ATP6V1H: variants seen among roughly 807,000 people sequenced by gnomAD.
ATP6V1H encodes V-type proton ATPase subunit H.
ATP6V1H carries 39 observed loss-of-function variants against 71.7 expected under a neutral mutation model. The ratio of observed to expected loss-of-function variants is 0.54; its 90% CI spans 0.42 to 0.71. The LOEUF (loss-of-function observed/expected upper bound fraction) is 0.71, where lower values mean the gene tolerates loss of function less well. Among genes scored for constraint, ATP6V1H ranks in the 30% least tolerant of loss-of-function variants. The pLI is 0.00. For synonymous variants in ATP6V1H, 192 were observed against 199.3 expected, an observed-to-expected ratio of 0.96 and a Z score of 0.31; for missense variants, 509 against 594.9, an observed-to-expected ratio of 0.86 and a Z score of 1.50.
intron 6 of ATP6V1H, among the ~76,000 whole-genome samples, chr8:53,812,274 C>A (rs1295952341): frequency 6.6e-6 from 1 of 152,090 alleles, no homozygotes; most frequent in Admixed American, 6.6e-5. Flanking sequence ...AAAGCAGAGG[C>A]ACTGCACAAT....
chr8:53,778,715 C>T (rs776911618), intron 9 of ATP6V1H, among the ~76,000 whole-genome samples: 12 of 152,058 alleles, frequency 7.9e-5, no homozygotes, highest in African/African-American at 2.9e-4. Context: ...AGGCCTAAAT[C>T]CAATCATATC....
At chr8:53,785,666 G>GT (rs1809354327) in intron 9 of ATP6V1H, among the ~76,000 whole-genome samples, 1 of 152,112 alleles carries the variant, frequency 6.6e-6, no homozygotes, top group East Asian at 1.9e-4. Flanking sequence ...CATCTTTGTG[G>GT]TTTTATCCAC....
chr8:53,736,366 T>C (rs752781306), intron 13 of ATP6V1H, among the ~76,000 whole-genome samples: 36 of 152,176 alleles, frequency 2.4e-4, no homozygotes, highest in Non-Finnish European at 4.3e-4. Flanking sequence ...AAGACTAACA[T>C]AGGAGACCAA....
intron 2 of ATP6V1H, among the ~76,000 whole-genome samples, chr8:53,836,446 T>C (rs897223995): frequency 1.3e-5 from 2 of 152,166 alleles, no homozygotes; most frequent in Non-Finnish European, 2.9e-5. Context: ...TCTCTCTGGG[T>C]CTTCCTTTGA....
rs1195141727 is a variant in ATP6V1H, at chr8:53,817,540, A to G, written c.307-10T>C. 1 of 1,569,752 alleles carries G rather than the reference A, an allele frequency of 6.4e-7. No homozygotes were observed. Among genetic ancestry groups the G allele is most frequent in the African/African-American group, 1.4e-5 (1 of 73,738 alleles). Reference sequence around the variant, plus strand: ...CACGCTGATGATTTTCCTAAAAAAGAAAAGAAATGATATCACCAGTCAGAA... The same window carrying G: ...CACGCTGATGATTTTCCTAAAAAAGGAAAGAAATGATATCACCAGTCAGAA... On this transcript the variant is annotated splice_polypyrimidine_tract_variant and intron_variant, in intron 4 of 13. Transcript: ENST00000359530.
intron 9 of ATP6V1H, among the ~76,000 whole-genome samples, chr8:53,781,910 T>C (rs1809149601): frequency 6.6e-6 from 1 of 152,246 alleles, no homozygotes; most frequent in Non-Finnish European, 1.5e-5. Flanking sequence ...ATCTCTGTTT[T>C]GGTACCAGTA....
At chr8:53,730,920 C>T (rs1806993294) in intron 13 of ATP6V1H, among the ~76,000 whole-genome samples, 1 of 152,030 alleles carries the variant, frequency 6.6e-6, no homozygotes, top group African/African-American at 2.4e-5. Flanking sequence ...CTGGACTCAC[C>T]GACATCCACA....
intron 8 of ATP6V1H, among the ~76,000 whole-genome samples, chr8:53,801,576 A>G (rs1335820616): frequency 6.6e-6 from 1 of 152,216 alleles, no homozygotes; most frequent in Non-Finnish European, 1.5e-5. Context: ...CTTGTTAAGC[A>G]TTAGGTTCTT....
intron 12 of ATP6V1H, among the ~76,000 whole-genome samples, chr8:53,751,684 T>C (rs1807803490): frequency 1.3e-5 from 2 of 152,010 alleles, no homozygotes; most frequent in African/African-American, 4.8e-5. Flanking sequence ...TTTTTTTTTT[T>C]TTCGAGACAG....
In ATP6V1H at chr8:53,715,870, C is replaced by A; in HGVS notation, c.*94G>T. On this transcript the variant is annotated 3_prime_UTR_variant, in exon 14 of 14. Coordinates refer to ENST00000359530, the MANE Select transcript of ATP6V1H (RefSeq NM_015941.4). ...AAAAGCTATATAACAGAGGAAATTC[C>A]AAGTAAAATCAAACAGTGTTCACTC... 1.9e-6 allele frequency: 2 copies of A among 1,063,422 alleles called. No individual in the cohort carries two copies. Among genetic ancestry groups the A allele is most frequent in the East Asian group, 2.7e-5 (1 of 37,452 alleles). The allele number at this position is 1,063,422 out of a possible 1,614,324, so 65.9% of individuals were successfully genotyped here.
chr8:53,725,119 A>G (rs533953505), intron 13 of ATP6V1H, among the ~76,000 whole-genome samples: 2 of 152,262 alleles, frequency 1.3e-5, no homozygotes, highest in Admixed American at 1.3e-4. Context: ...TATTGAGAGG[A>G]GGGGCCTTAA....
intron 4 of ATP6V1H, among the ~76,000 whole-genome samples, chr8:53,825,509 A>G (rs1373387216): frequency 6.6e-6 from 1 of 152,160 alleles, no homozygotes; most frequent in Non-Finnish European, 1.5e-5. Context: ...GAAGGGAACT[A>G]GCCATAAGAT....
At chr8:53,754,053 A>G (rs935094884) in intron 12 of ATP6V1H, among the ~76,000 whole-genome samples, 1 of 152,182 alleles carries the variant, frequency 6.6e-6, no homozygotes, top group Non-Finnish European at 1.5e-5. Flanking sequence ...TGAGCCCTGC[A>G]CACTGCGCAT....
chr8:53,811,259 T>G (rs1187135109), intron 6 of ATP6V1H, 42 bp from the exon 7 acceptor site: 2 of 1,571,822 alleles, frequency 1.3e-6, no homozygotes, highest in South Asian at 2.2e-5. Context: ...TTTGTTTTGA[T>G]TTTATCCTAA....
chr8:53,754,833 G>GTT (rs1450073552), intron 12 of ATP6V1H, among the ~76,000 whole-genome samples: 1 of 152,200 alleles, frequency 6.6e-6, no homozygotes, highest in Non-Finnish European at 1.5e-5. Flanking sequence ...AGGAGTCTGA[G>GTT]TTCAGTTCAA....
At chr8:53,773,189 C>T (rs1452619986) in intron 9 of ATP6V1H, among the ~76,000 whole-genome samples, 2 of 152,072 alleles carry the variant, frequency 1.3e-5, no homozygotes, top group Non-Finnish European at 2.9e-5. Context: ...ATTTGTGAAC[C>T]TAATATTCCT....
At chr8:53,804,095 C>T (rs774245565) in intron 7 of ATP6V1H, among the ~76,000 whole-genome samples, 13 of 152,294 alleles carry the variant, frequency 8.5e-5, no homozygotes, top group Non-Finnish European at 1.8e-4. Flanking sequence ...AAGTGCTGGT[C>T]CTAAATCTGA....
intron 7 of ATP6V1H, among the ~76,000 whole-genome samples, chr8:53,805,144 C>T (rs1344003729): frequency 6.6e-6 from 1 of 152,132 alleles, no homozygotes; most frequent in Non-Finnish European, 1.5e-5. Context: ...CTTCATAATG[C>T]TAGGATTTAA....
chr8:53,751,052 TCA>T (rs1428852405), intron 12 of ATP6V1H, among the ~76,000 whole-genome samples: 2 of 152,156 alleles, frequency 1.3e-5, no homozygotes, highest in Non-Finnish European at 1.5e-5. Context: ...TTGCCCAATC[TCA>T]CAGTTACTAG....
Sources: allele counts gnomAD v4.1 joint callset (sites outside exome capture counted in the v4.1 genomes callset), GRCh38; gene constraint gnomAD v4.1.1; transcripts MANE v1.5; gene names NCBI Gene and HGNC (gene_info 2026-07-23, HGNC 2026-07-21).